Variants in IL1RAPL1 observed in about 807,000 individuals in gnomAD.
The protein encoded by IL1RAPL1 is interleukin 1 receptor accessory protein like 1.
A neutral mutation model predicts 48.4 loss-of-function variants in IL1RAPL1; 3 were observed. The observed-to-expected ratio is 0.06, with a 90% CI of 0.03 to 0.16. The LOEUF is 0.16. Ranked by LOEUF, IL1RAPL1 falls within the 10% of genes least tolerant of loss-of-function variation. The pLI is 1.00. For missense variants in IL1RAPL1, 349 were observed against 530.6 expected, an observed-to-expected ratio of 0.66 and a Z score of 3.36; for synonymous variants, 185 against 187.7, an observed-to-expected ratio of 0.99 and a Z score of 0.12.
intron 5 of IL1RAPL1, among the ~76,000 whole-genome samples, chrX:29,536,861 T>G: frequency 9.1e-6 from 1 of 109,924 alleles, no homozygotes; most frequent in East Asian, 2.8e-4. Context: ...TTGATAAAAT[T>G]GTATTATATA....
At chrX:28,941,741 A>C (rs1432764505) in intron 2 of IL1RAPL1, among the ~76,000 whole-genome samples, 2 of 111,258 alleles carry the variant, frequency 1.8e-5, no homozygotes, top group African/African-American at 6.5e-5. Flanking sequence ...GAGGGTGATT[A>C]CATCATTTGC....
chrX:28,971,261 A>G (rs1376731553), intron 2 of IL1RAPL1, among the ~76,000 whole-genome samples: 1 of 112,253 alleles, frequency 8.9e-6, no homozygotes, highest in Non-Finnish European at 1.9e-5. Flanking sequence ...AAACTTCTAA[A>G]TTACCTATAA....
intron 2 of IL1RAPL1, among the ~76,000 whole-genome samples, chrX:28,800,012 CA>C (rs937210937): frequency 4.5e-5 from 5 of 111,364 alleles, no homozygotes; most frequent in African/African-American, 1.6e-4. Context: ...TGACCTAAAA[CA>C]ATAAAATTTA....
chrX:28,990,020 T>C (rs758236109), intron 2 of IL1RAPL1, among the ~76,000 whole-genome samples: 136 of 111,708 alleles, frequency 1.2e-3, no homozygotes, highest in South Asian at 2.6e-3. Flanking sequence ...ACAACAGATG[T>C]ATTTTCTGAT....
intron 6 of IL1RAPL1, among the ~76,000 whole-genome samples, chrX:29,711,067 T>TACACACACAC (rs778770426): frequency 4.5e-4 from 4 of 8,908 alleles, no homozygotes; most frequent in Admixed American, 1.6e-3. Context: ...TGTGTGTGTG[T>TACACACACAC]ATACACACAC....
At chrX:29,107,609 AT>A (rs1490355706) in intron 2 of IL1RAPL1, among the ~76,000 whole-genome samples, 2 of 112,036 alleles carry the variant, frequency 1.8e-5, no homozygotes, top group South Asian at 3.7e-4. Context: ...ATTAAAAAAA[AT>A]ATATCAAAAA....
chrX:29,205,404 C>T (rs975466368), intron 2 of IL1RAPL1, among the ~76,000 whole-genome samples: 1 of 111,972 alleles, frequency 8.9e-6, no homozygotes, highest in Non-Finnish European at 1.9e-5. Flanking sequence ...TCTCCCAAAA[C>T]GCATGCCATC....
chrX:28,948,323 T>G (rs1228242519), intron 2 of IL1RAPL1, among the ~76,000 whole-genome samples: 1 of 111,582 alleles, frequency 9.0e-6, no homozygotes. Flanking sequence ...CTGGTTTCAT[T>G]CTGCCTTTTA....
At chrX:29,580,763 G>A (rs986300484) in intron 5 of IL1RAPL1, among the ~76,000 whole-genome samples, 2 of 111,785 alleles carry the variant, frequency 1.8e-5, no homozygotes, top group East Asian at 2.8e-4. Flanking sequence ...CAATTTGAAC[G>A]CAGATGACTA....
intron 2 of IL1RAPL1, among the ~76,000 whole-genome samples, chrX:28,942,752 G>A (rs758774423): frequency 9.1e-6 from 1 of 109,617 alleles, no homozygotes; most frequent in South Asian, 3.8e-4. Context: ...TGCAATCCCA[G>A]GGGAAAGAAT....
At chrX:29,342,128 G>GTT (rs2147646372) in intron 3 of IL1RAPL1, among the ~76,000 whole-genome samples, 1 of 97,636 alleles carries the variant, frequency 1.0e-5, no homozygotes, top group African/African-American at 4.4e-5. Flanking sequence ...GTGTGTGTGT[G>GTT]TGTGTGTGTG....
At chrX:28,767,558 A>G (rs1385286855) in intron 1 of IL1RAPL1, among the ~76,000 whole-genome samples, 5 of 111,549 alleles carry the variant, frequency 4.5e-5, no homozygotes, top group East Asian at 2.8e-4. Context: ...AGAAACAGCT[A>G]TGGAATAATG....
At chrX:29,035,532 G>A (rs1926713553) in intron 2 of IL1RAPL1, among the ~76,000 whole-genome samples, 1 of 111,441 alleles carries the variant, frequency 9.0e-6, no homozygotes, top group Admixed American at 9.6e-5. Flanking sequence ...AAATGTTAAT[G>A]TAGGAAGGCA....
chrX:28,939,639 C>T (rs1309559793), intron 2 of IL1RAPL1, among the ~76,000 whole-genome samples: 2 of 110,866 alleles, frequency 1.8e-5, no homozygotes, highest in Non-Finnish European at 3.8e-5. Flanking sequence ...GACATGAGTG[C>T]ACCTATATAA....
intron 6 of IL1RAPL1, among the ~76,000 whole-genome samples, chrX:29,827,773 T>C (rs1038373968): frequency 1.8e-5 from 2 of 112,551 alleles, no homozygotes; most frequent in Non-Finnish European, 3.8e-5. Context: ...ATGGGAATAA[T>C]AGTATTTCCC....
rs749086229 is a variant in IL1RAPL1, at chrX:28,602,451, G to A, written c.-25+14404G>A. Among the ~76,000 whole-genome samples the A allele has an allele frequency of 5.4e-5, 6 of 112,096 alleles. No homozygotes were observed. In the East Asian group the frequency reaches 1.1e-3, roughly 21 times the overall value. ...ACACAATGCCACATCCCTGACAGTA[G>A]GTAAGTTATGTTCTTTTGCATTTTT... On this transcript the variant is annotated intron_variant, in intron 1 of 10. Coordinates refer to ENST00000378993, the MANE Select transcript of IL1RAPL1 (RefSeq NM_014271.4).
chrX:28,589,812 G>T (rs746347616), intron 1 of IL1RAPL1, among the ~76,000 whole-genome samples: 1 of 111,490 alleles, frequency 9.0e-6, no homozygotes, highest in African/African-American at 3.3e-5. Context: ...TCTTAACCAT[G>T]ACAATCTCTT....
At chrX:29,559,757 T>C (rs188461691) in intron 5 of IL1RAPL1, among the ~76,000 whole-genome samples, 1 of 111,884 alleles carries the variant, frequency 8.9e-6, no homozygotes, top group African/African-American at 3.2e-5. Context: ...GCTGACAACT[T>C]AATTTTGACT....
rs1405009758 is a variant in IL1RAPL1 at position 29,168,602 on chromosome X, T to C, written c.83-114336T>C. 4.7e-5 allele frequency among the ~76,000 whole-genome samples: 4 copies of C among 85,620 alleles called. 1 individual carries two copies. The allele number at this position is 85,620 out of a possible 115,157, so 74.4% of individuals were successfully genotyped here. On this transcript the variant is annotated intron_variant, in intron 2 of 10. Coordinates refer to ENST00000378993, the MANE Select transcript of IL1RAPL1 (RefSeq NM_014271.4). The stretch of plus-strand genomic sequence containing the variant: ...ACAATTGTATATATATATTCATATA[T>C]ACAATTGTATATTTATATTCATATA...
Sources: allele counts gnomAD v4.1 joint callset (sites outside exome capture counted in the v4.1 genomes callset), GRCh38; gene constraint gnomAD v4.1.1; transcripts MANE v1.5; gene names NCBI Gene and HGNC (gene_info 2026-07-23, HGNC 2026-07-21).